VWA3B: variants seen among roughly 807,000 people sequenced by gnomAD.
VWA3B encodes the protein von Willebrand factor A domain-containing protein 3B.
A neutral mutation model predicts 158.3 loss-of-function variants in VWA3B; 138 were observed. The observed-to-expected ratio is 0.87, with a 90% confidence interval of 0.76 to 1.00. The LOEUF (loss-of-function observed/expected upper bound fraction) is 1.00. Among genes scored for constraint, VWA3B ranks in the 50% least tolerant of loss-of-function variants. The pLI is 0.00. For synonymous variants in VWA3B, 596 were observed against 587.3 expected (o/e 1.01, Z -0.21); for missense variants, 1,555 against 1,565.1 (o/e 0.99, Z 0.11).
intron 7 of VWA3B, among the ~76,000 whole-genome samples, chr2:98,142,397 C>G (rs1382859369): frequency 1.3e-5 from 2 of 152,188 alleles, no homozygotes; most frequent in Non-Finnish European, 2.9e-5. Context: ...TCCCTTTTAT[C>G]TGAGAAAAAG....
At chr2:98,146,043 A>G (rs1317463245) in intron 7 of VWA3B, among the ~76,000 whole-genome samples, 1 of 150,990 alleles carries the variant, frequency 6.6e-6, no homozygotes, top group South Asian at 2.1e-4. Context: ...CCCTTTCCTA[A>G]TTTTTTTTTA....
At chr2:98,274,218 A>G (rs1020539378) in intron 22 of VWA3B, among the ~76,000 whole-genome samples, 3 of 152,130 alleles carry the variant, frequency 2.0e-5, no homozygotes, top group African/African-American at 7.2e-5. Context: ...AATGGAGGAG[A>G]CATTGCACCA....
chr2:98,237,453 C>A (rs1025063436), intron 19 of VWA3B, among the ~76,000 whole-genome samples: 1 of 152,168 alleles, frequency 6.6e-6, no homozygotes, highest in Non-Finnish European at 1.5e-5. Context: ...AACAAGCAAG[C>A]CACATGTTAG....
At chr2:98,108,952 C>A (rs1347580734) in intron 2 of VWA3B, among the ~76,000 whole-genome samples, 1 of 148,710 alleles carries the variant, frequency 6.7e-6, no homozygotes, top group Non-Finnish European at 1.5e-5. Flanking sequence ...TACCTAAACA[C>A]TTTTTAGAAT....
chr2:98,170,679 T>C (rs969973193), intron 8 of VWA3B, among the ~76,000 whole-genome samples: 16 of 151,894 alleles, frequency 1.1e-4, no homozygotes, highest in Middle Eastern at 3.4e-3. Flanking sequence ...CCACCTCGGC[T>C]CACTGCAACC....
intron 12 of VWA3B, among the ~76,000 whole-genome samples, chr2:98,203,043 G>C (rs9646964): frequency 2.0e-5 from 3 of 151,978 alleles, no homozygotes; most frequent in Non-Finnish European, 4.4e-5. Context: ...ATGTTGGCCA[G>C]GATGTTCTCG....
intron 16 of VWA3B, among the ~76,000 whole-genome samples, chr2:98,233,560 G>A (rs945679851): frequency 1.3e-5 from 2 of 152,166 alleles, no homozygotes; most frequent in Admixed American, 1.3e-4. Flanking sequence ...AGCTTCTAAG[G>A]AAATTTAGCT....
rs979097916 is a variant in VWA3B, at chr2:98,218,019, G to A, written c.2010G>A (p.Glu670=). ...GTTGCAAGGATCCCACTCCCCCAGA[G>A]GCTGTTCAGGTAAGAGCTTGGTGGG... The part of the protein sequence containing the change: ...NFGCKDPTPP[E]AVQNEDLTLL... The change falls in exon 14 of 28, where the codon GAG becomes GAA. Residue 670 remains glutamate (E), a synonymous_variant. Transcript: ENST00000477737. 6.2e-7 allele frequency: 1 copy of A among 1,607,758 alleles called. No homozygotes were observed. The highest frequency in any genetic ancestry group is 2.2e-5 in the East Asian group (1 of 44,572).
At chr2:98,324,401 G>A in the VWA3B span, among the ~76,000 whole-genome samples, 3 of 152,142 alleles carry the variant, frequency 2.0e-5, no homozygotes, top group Non-Finnish European at 4.4e-5. Flanking sequence ...GACCTCAAGT[G>A]ATCCACCCAT....
intron 7 of VWA3B, among the ~76,000 whole-genome samples, chr2:98,159,526 G>C (rs1678386704): frequency 2.0e-5 from 3 of 152,126 alleles, no homozygotes; most frequent in Admixed American, 6.5e-5. Context: ...TGAGATTACA[G>C]ATGTGAGCCA....
At chr2:98,088,213 AG>A (rs917455794) in intron 1 of VWA3B, among the ~76,000 whole-genome samples, 1 of 152,196 alleles carries the variant, frequency 6.6e-6, no homozygotes, top group African/African-American at 2.4e-5. Flanking sequence ...ATATCCACCT[AG>A]CCCAGACTTC....
intron 23 of VWA3B, among the ~76,000 whole-genome samples, chr2:98,296,465 G>T (rs931641813): frequency 6.6e-6 from 1 of 152,286 alleles, no homozygotes; most frequent in Admixed American, 6.5e-5. Context: ...ATTTTAGTCC[G>T]ATCAGAAAAC....
chr2:98,089,345 T>C (rs1348138151), intron 1 of VWA3B, among the ~76,000 whole-genome samples: 1 of 152,158 alleles, frequency 6.6e-6, no homozygotes, highest in Non-Finnish European at 1.5e-5. Flanking sequence ...TAAAGTATCA[T>C]AGCAAAAGTT....
intron 7 of VWA3B, among the ~76,000 whole-genome samples, chr2:98,152,479 G>T (rs1416024935): frequency 6.6e-6 from 1 of 152,096 alleles, no homozygotes; most frequent in Non-Finnish European, 1.5e-5. Flanking sequence ...TGAAGGTCCT[G>T]TCGGCACAGG....
In VWA3B at chr2:98,128,552, T is replaced by C. The variant is rs1004363481; in HGVS notation, c.872+144T>C. On this transcript the variant is annotated intron_variant, in intron 6 of 27. Transcript: ENST00000477737. ...CAGTATATTATTTAGTCTCTCTGCA[T>C]CTTTTCTTCTCCGTCTTGTATTAAT... The C allele has an allele frequency of 2.1e-5, 17 of 821,694 alleles. No homozygotes were observed. The African/African-American group carries it at 2.8e-4, about 13-fold the overall frequency. 50.9% of individuals were successfully genotyped at this position (821,694 alleles called of 1,614,324 possible). A position where few individuals can be genotyped will look rare whatever the true frequency, so the allele number is the denominator to read the frequency against.
chr2:98,280,889 G>T (rs181927321), intron 22 of VWA3B, among the ~76,000 whole-genome samples: 2 of 152,340 alleles, frequency 1.3e-5, no homozygotes, highest in East Asian at 3.9e-4. Flanking sequence ...CAGATGTGCC[G>T]TACTTGATAG....
At chr2:98,241,220 G>A (rs932428204) in intron 19 of VWA3B, among the ~76,000 whole-genome samples, 1 of 152,138 alleles carries the variant, frequency 6.6e-6, no homozygotes, top group African/African-American at 2.4e-5. Context: ...CAGTGGGGGA[G>A]CTTGGGGAAT....
chr2:98,218,319 A>G (rs1428239325), intron 14 of VWA3B, among the ~76,000 whole-genome samples: 1 of 152,184 alleles, frequency 6.6e-6, no homozygotes, highest in Non-Finnish European at 1.5e-5. Flanking sequence ...TTTTTCTTCT[A>G]AACTTTTTAT....
intron 13 of VWA3B, among the ~76,000 whole-genome samples, chr2:98,217,145 C>A (rs1256992674): frequency 6.6e-6 from 1 of 152,182 alleles, no homozygotes; most frequent in African/African-American, 2.4e-5. Context: ...TGTCCTCCTG[C>A]CCCCTCCCTG....
Sources: allele counts gnomAD v4.1 joint callset (sites outside exome capture counted in the v4.1 genomes callset), GRCh38; gene constraint gnomAD v4.1.1; transcripts MANE v1.5; gene names NCBI Gene and HGNC (gene_info 2026-07-23, HGNC 2026-07-21).